TIMM9: variants seen among roughly 807,000 people sequenced by gnomAD.
TIMM9 encodes mitochondrial import inner membrane translocase subunit Tim9.
TIMM9 carries 10 observed loss-of-function variants against 13.4 expected under a neutral mutation model. The observed-to-expected ratio is 0.75, with a 90% CI of 0.46 to 1.26. TIMM9 has a LOEUF of 1.26. TIMM9 is among the 50% of genes most tolerant of loss of function. The pLI is 0.00. For synonymous variants in TIMM9, 32 were observed against 32.1 expected (o/e 1.00, Z 0.01); for missense variants, 87 against 100.8 (o/e 0.86, Z 0.58).
At position 58,426,125 on chromosome 14, in the gene TIMM9, A is replaced by G. The variant is rs543249203; in HGVS notation, c.-115+929T>C. On this transcript the variant is annotated intron_variant, in intron 2 of 5. Transcript: ENST00000395159. ...GAGTGAGACTTTGTCTCAAAAAACA[A>G]CACAAAACTCATTAGAGAAACTCAG... Among the ~76,000 whole-genome samples the G allele has an allele frequency of 7.2e-5, 11 of 152,164 alleles. No individual in the cohort carries two copies. The South Asian group carries it at 1.9e-3, about 26-fold the overall frequency.
intron 2 of TIMM9, among the ~76,000 whole-genome samples, chr14:58,426,234 C>T (rs1306368233): frequency 6.7e-6 from 1 of 149,780 alleles, no homozygotes; most frequent in South Asian, 2.1e-4. Flanking sequence ...TTAAGACAGT[C>T]TTGATCTGTC....
intron 3 of TIMM9, among the ~76,000 whole-genome samples, chr14:58,412,565 G>T (rs2036255544): frequency 6.6e-6 from 1 of 151,990 alleles, no homozygotes; most frequent in Admixed American, 6.6e-5. Flanking sequence ...TCCTAGGAGG[G>T]TTATAAAGGA....
At chr14:58,414,380 G>A (rs1004513025) in intron 3 of TIMM9, among the ~76,000 whole-genome samples, 8 of 152,074 alleles carry the variant, frequency 5.3e-5, no homozygotes, top group African/African-American at 1.4e-4. Flanking sequence ...ACAATCAACA[G>A]TAATTCCATT....
At chr14:58,412,423 A>T (rs1046688237) in intron 3 of TIMM9, among the ~76,000 whole-genome samples, 1 of 152,230 alleles carries the variant, frequency 6.6e-6, no homozygotes, top group Admixed American at 6.5e-5. Flanking sequence ...TACAGGCGTT[A>T]GCCGCCGTGC....
At chr14:58,416,537 G>A (rs762838414) in intron 3 of TIMM9, among the ~76,000 whole-genome samples, 2 of 152,088 alleles carry the variant, frequency 1.3e-5, no homozygotes, top group Non-Finnish European at 1.5e-5. Flanking sequence ...TAAAATAATC[G>A]CTCAAGTTTC....
intron 3 of TIMM9, among the ~76,000 whole-genome samples, chr14:58,415,640 T>G (rs1363340726): frequency 6.6e-6 from 1 of 151,920 alleles, no homozygotes; most frequent in Non-Finnish European, 1.5e-5. Context: ...AGCCAGAAAA[T>G]AGAATTCTTC....
At position 58,427,461 on chromosome 14, in the gene TIMM9, A is replaced by G; in HGVS notation, c.-373T>C. ...ACAGTCCCTGGTAAACACAAGTAGT[A>G]TTACAAGTCGGGAGCTCTTCAAGTC... On this transcript the variant is annotated 5_prime_UTR_variant, in exon 1 of 6. Transcript: ENST00000395159. The G allele has an allele frequency of 1.2e-6, 1 of 803,674 alleles. No homozygotes were observed. Among genetic ancestry groups the G allele is most frequent in the Non-Finnish European group, 2.0e-6 (1 of 510,666 alleles). The allele number at this position is 803,674 out of a possible 1,614,324, so 49.8% of individuals were successfully genotyped here.
At chr14:58,412,376 A>G (rs2036249031) in intron 3 of TIMM9, among the ~76,000 whole-genome samples, 1 of 152,094 alleles carries the variant, frequency 6.6e-6, no homozygotes, top group Non-Finnish European at 1.5e-5. Context: ...TCTTAACCTC[A>G]TGATCCGCCT....
chr14:58,420,829 T>A (rs2036570170), intron 3 of TIMM9, among the ~76,000 whole-genome samples: 1 of 145,542 alleles, frequency 6.9e-6, no homozygotes, highest in Non-Finnish European at 1.5e-5. Flanking sequence ...TATATACCTA[T>A]CAGAATGGCT....
At chr14:58,424,441 G>A (rs1595032447) in intron 2 of TIMM9, among the ~76,000 whole-genome samples, 1 of 152,064 alleles carries the variant, frequency 6.6e-6, no homozygotes, top group Admixed American at 6.6e-5. Flanking sequence ...CCTAACTAAG[G>A]TCTTTGGACT....
chr14:58,414,877 G>C (rs2036351236), intron 3 of TIMM9, among the ~76,000 whole-genome samples: 1 of 152,168 alleles, frequency 6.6e-6, no homozygotes, highest in African/African-American at 2.4e-5. Context: ...CAGGGAGCCT[G>C]GCTTTCCACC....
chr14:58,423,764 G>A (rs2036659206), intron 3 of TIMM9: 1 of 152,094 alleles, frequency 6.6e-6, no homozygotes, highest in Non-Finnish European at 1.5e-5. Flanking sequence ...TCTTTTATTT[G>A]ATCCTAGTTT....
chr14:58,415,919 G>C (rs1183552630), intron 3 of TIMM9, among the ~76,000 whole-genome samples: 1 of 152,012 alleles, frequency 6.6e-6, no homozygotes, highest in Non-Finnish European at 1.5e-5. Flanking sequence ...TCAAACATCT[G>C]AAAACTAAAG....
chr14:58,413,317 CTAA>C (rs2036281346), intron 3 of TIMM9, among the ~76,000 whole-genome samples: 1 of 152,198 alleles, frequency 6.6e-6, no homozygotes, highest in Non-Finnish European at 1.5e-5. Context: ...ACCCTTACTA[CTAA>C]TGATCCTTTT....
At chr14:58,416,313 C>T (rs549373723) in intron 3 of TIMM9, among the ~76,000 whole-genome samples, 2 of 152,202 alleles carry the variant, frequency 1.3e-5, no homozygotes, top group East Asian at 3.9e-4. Flanking sequence ...TATATCTTGC[C>T]TGTAGGGGTA....
At chr14:58,426,015 C>A (rs996557655) in intron 2 of TIMM9, among the ~76,000 whole-genome samples, 160 of 150,746 alleles carry the variant, frequency 1.1e-3, no homozygotes, top group African/African-American at 3.8e-3. Flanking sequence ...ACTCAGGAGG[C>A]CTGAGGCAGA....
At chr14:58,409,311 A>T in intron 5 of TIMM9, 143 bp from the exon 6 acceptor site, 1 of 883,738 alleles carries the variant, frequency 1.1e-6, no homozygotes, top group Non-Finnish European at 1.7e-6. Flanking sequence ...GCAGCAACTG[A>T]CCATAGCTTT....
chr14:58,420,649 CG>C (rs968227792), intron 3 of TIMM9, among the ~76,000 whole-genome samples: 1 of 151,756 alleles, frequency 6.6e-6, no homozygotes, highest in African/African-American at 2.4e-5. Context: ...AAAAGTTAGC[CG>C]GGCATGGTGG....
intron 5 of TIMM9, among the ~76,000 whole-genome samples, chr14:58,409,972 C>T (rs531961325): frequency 3.3e-5 from 5 of 152,038 alleles, no homozygotes; most frequent in Non-Finnish European, 7.4e-5. Context: ...CTTAAGTGAT[C>T]CTCCTACCTC....
Sources: allele counts gnomAD v4.1 joint callset (sites outside exome capture counted in the v4.1 genomes callset), GRCh38; gene constraint gnomAD v4.1.1; transcripts MANE v1.5; gene names NCBI Gene and HGNC (gene_info 2026-07-23, HGNC 2026-07-21).